The following MVK variants were observed in gnomAD, a reference collection of about 807,000 sequenced individuals.
MVK encodes mevalonate kinase.
Under a neutral mutation model 43.2 loss-of-function variants are expected in MVK, and 34 were observed. That is an observed-to-expected ratio of 0.79 (90% CI 0.60 to 1.05). MVK has a LOEUF of 1.05. Among genes scored for constraint, MVK ranks in the 50% least tolerant of loss-of-function variants. MVK has a pLI of 0.00. For missense variants in MVK, 395 were observed against 504.0 expected, an observed-to-expected ratio of 0.78 and a Z score of 2.07; for synonymous variants, 190 against 219.8, an observed-to-expected ratio of 0.86 and a Z score of 1.20.
In MVK at chr12:109,581,492, C is replaced by G; in HGVS notation, c.469C>G (p.Leu157Val). Residue 157 changes from leucine to valine, a missense_variant, in exon 5 of 11, where the codon CTC becomes GTC. Physicochemically the swap from Leu to Val is conservative, Grantham distance 32. Coordinates refer to ENST00000228510, the MANE Select transcript of MVK (RefSeq NM_000431.4). Reference sequence around the variant, plus strand: ...CTACTCGGTGTGTCTGGCAGCAGCCCTCCTGACTGTGTGCGAGGAGATCCC... The same window carrying G: ...CTACTCGGTGTGTCTGGCAGCAGCCGTCCTGACTGTGTGCGAGGAGATCCC... ...AAYSVCLAAALLTVCEEIPNP... is the reference protein window; with the variant it reads ...AAYSVCLAAAVLTVCEEIPNP... 1 of 1,614,240 alleles carries G rather than the reference C, an allele frequency of 6.2e-7. No individual in the cohort carries two copies. Among genetic ancestry groups the G allele is most frequent in the South Asian group, 1.1e-5 (1 of 91,090 alleles).
intron 3 of MVK, among the ~76,000 whole-genome samples, chr12:109,579,570 G>A (rs72647000): frequency 6.6e-6 from 1 of 152,222 alleles, no homozygotes; most frequent in Non-Finnish European, 1.5e-5. Flanking sequence ...TTACCAAGGT[G>A]GGAAACAGGT....
chr12:109,576,716 C>T (rs894335912), intron 3 of MVK, among the ~76,000 whole-genome samples: 2 of 151,868 alleles, frequency 1.3e-5, no homozygotes, highest in Non-Finnish European at 2.9e-5. Context: ...ACTAAAAATA[C>T]AAAAATTAGC....
At chr12:109,586,267 G>T (rs973673952) in intron 6 of MVK, 142 bp downstream of exon 6, 3 of 758,116 alleles carry the variant, frequency 4.0e-6, no homozygotes, top group East Asian at 2.7e-5. Flanking sequence ...ATTTTGGGGG[G>T]AATGGGGAGA....
intron 5 of MVK, among the ~76,000 whole-genome samples, chr12:109,584,613 G>T (rs1017573219): frequency 2.0e-5 from 3 of 152,288 alleles, no homozygotes; most frequent in Admixed American, 6.5e-5. Flanking sequence ...GGCTGGGCAC[G>T]GTGGCTCACG....
Position 109,596,955 on chromosome 12 carries a change from T to A in MVK, c.*378T>A. 3.0e-6 allele frequency: 1 copy of A among 329,832 alleles called. No homozygotes were observed. The highest frequency in any genetic ancestry group is 5.9e-6 in the Non-Finnish European group (1 of 170,594). The allele number at this position is 329,832 out of a possible 1,614,324, so 20.4% of individuals were successfully genotyped here. A position where few individuals can be genotyped will look rare whatever the true frequency, so the allele number is the denominator to read the frequency against. On this transcript the variant is annotated 3_prime_UTR_variant, in exon 11 of 11. Coordinates refer to ENST00000228510, the MANE Select transcript of MVK (RefSeq NM_000431.4). ...TGCTGGGGCCTGGTTCCCGGAGAAGTGTGCCTTCTCTCTCCCTTTTCAGGG... is the reference window on the plus strand; with the variant it reads ...TGCTGGGGCCTGGTTCCCGGAGAAGAGTGCCTTCTCTCTCCCTTTTCAGGG...
chr12:109,595,412 G>A lies in MVK; in HGVS notation c.1039+231G>A, dbSNP rs181019623. 1.8e-3 allele frequency among the ~76,000 whole-genome samples: 281 copies of A among 152,216 alleles called. 4 individuals carry two copies. Among genetic ancestry groups the A allele is most frequent in the African/African-American group, 6.4e-3 (264 of 41,514 alleles). On this transcript the variant is annotated intron_variant, in intron 10 of 10. Transcript: ENST00000228510. This position sits in a 1 kb window ranked among gnomAD's most constrained non-coding sequence, Gnocchi z 5.9. The stretch of plus-strand genomic sequence containing the variant: ...ATTCAAGCAGGAAAGTGCACCTAGA[G>A]AGCCTGGTGCAGGGCTGGGCTGTGG...
intron 9 of MVK, among the ~76,000 whole-genome samples, chr12:109,591,952 A>G (rs1885700969): frequency 6.6e-6 from 1 of 152,154 alleles, no homozygotes; most frequent in Admixed American, 6.5e-5. Flanking sequence ...GTGTCTTAAG[A>G]ATGCTCAGAT....
chr12:109,579,137 A>ATT (rs758612897), intron 3 of MVK: 3,614 of 321,696 alleles, frequency 0.011, no homozygotes, highest in South Asian at 0.025. Context: ...TAAGACTACA[A>ATT]TTTTTTTTTT....
chr12:109,578,481 A>T (rs1313736844), intron 3 of MVK, among the ~76,000 whole-genome samples: 2 of 152,190 alleles, frequency 1.3e-5, no homozygotes, highest in Non-Finnish European at 2.9e-5. Context: ...ATTCGCCAGC[A>T]TTCCCTGGAA....
At chr12:109,580,133 G>T (rs987830476) in intron 4 of MVK, among the ~76,000 whole-genome samples, 187 bp downstream of exon 4, 1 of 152,172 alleles carries the variant, frequency 6.6e-6, no homozygotes, top group South Asian at 2.1e-4. Flanking sequence ...TTGAGACAGG[G>T]TCTCTGTTGC....
chr12:109,581,255 C>T, intron 4 of MVK, 140 bp from the exon 5 acceptor site: 1 of 1,025,462 alleles, frequency 9.8e-7, no homozygotes, highest in South Asian at 1.3e-5. Flanking sequence ...AATAGGGATA[C>T]ATTTGGGGTC....
chr12:109,577,388 A>G (rs531055270), intron 3 of MVK, among the ~76,000 whole-genome samples: 1 of 152,108 alleles, frequency 6.6e-6, no homozygotes, highest in Non-Finnish European at 1.5e-5. Flanking sequence ...CTTACACTGC[A>G]CCTGAACCCT....
chr12:109,585,417 G>T (rs144742549), intron 5 of MVK, among the ~76,000 whole-genome samples: 1 of 152,238 alleles, frequency 6.6e-6, no homozygotes, highest in African/African-American at 2.4e-5. Flanking sequence ...GGAGGGTGGG[G>T]GTTCCAATTC....
At chr12:109,596,382 G>A (rs764020568) in intron 10 of MVK, 44 bp from the exon 11 acceptor site, 50 of 1,599,358 alleles carry the variant, frequency 3.1e-5, no homozygotes, top group Non-Finnish European at 3.8e-5. Context: ...CTTCTCCCAC[G>A]GAGCGGAGAG....
intron 2 of MVK, 115 bp downstream of exon 2, chr12:109,575,015 G>C (rs1223642050): frequency 9.6e-7 from 1 of 1,036,488 alleles, no homozygotes; most frequent in Non-Finnish European, 1.5e-6. Context: ...AGAGAGATCA[G>C]GTTCTCCCCA....
rs1203282307 is a variant in MVK, at chr12:109,590,861, G to A, written c.768G>A (p.Lys256=). ...LVAGVRNRLL[K]FPEIVAPLLT... ...CTGGCGTCAGAAACAGGCTGCTCAA[G>A]GTGACTCTTGTTCCCTTCTTGGGCA... Residue 256 remains lysine (K), a splice_region_variant and synonymous_variant, in exon 8 of 11, where the codon AAG becomes AAA. Coordinates refer to ENST00000228510, the MANE Select transcript of MVK (RefSeq NM_000431.4). 1.2e-6 allele frequency: 2 copies of A among 1,614,128 alleles called. No individual in the cohort carries two copies. The highest frequency in any genetic ancestry group is 2.2e-5 in the East Asian group (1 of 44,888).
intron 4 of MVK, 143 bp downstream of exon 4, chr12:109,580,089 C>G (rs1389658566): frequency 5.7e-6 from 7 of 1,236,076 alleles, no homozygotes; most frequent in African/African-American, 3.0e-5. Context: ...GCCAGGCACC[C>G]TGCCAGGCAC....
In MVK at chr12:109,586,125, G is replaced by C; in HGVS notation, c.631G>C (p.Gly211Arg). ...SGVDNAVSTW[G>R]GALRYHQGKI... ...AGTGGACAATGCTGTCAGCACCTGG[G>C]GTAGGTGTGGCCTCAGGTTTATTTT... Residue 211 changes from glycine to arginine, a missense_variant and splice_region_variant, in exon 6 of 11, where the codon GGA (glycine) becomes CGA (arginine). Gly to Arg is a moderately radical substitution (Grantham distance 125). Coordinates refer to ENST00000228510, the MANE Select transcript of MVK (RefSeq NM_000431.4). The C allele has an allele frequency of 6.2e-7, 1 of 1,610,316 alleles. No individual in the cohort carries two copies.
intron 3 of MVK, among the ~76,000 whole-genome samples, chr12:109,577,905 G>A (rs1330170620): frequency 6.6e-6 from 1 of 152,224 alleles, no homozygotes. Flanking sequence ...GGGCCACCCA[G>A]CCAGACCAGA....
Sources: allele counts gnomAD v4.1 joint callset (sites outside exome capture counted in the v4.1 genomes callset), GRCh38; gene constraint gnomAD v4.1.1; non-coding constraint Gnocchi (gnomAD v3.1); transcripts MANE v1.5; gene names NCBI Gene and HGNC (gene_info 2026-07-23, HGNC 2026-07-21).